Variants in MRTFB observed in about 807,000 individuals in gnomAD.
MRTFB encodes the protein myocardin related transcription factor B, also known as myocardin-related transcription factor B.
In MRTFB, 29 loss-of-function variants were observed where a neutral mutation model predicts 104.2. The observed-to-expected ratio is 0.28, with a 90% confidence interval of 0.21 to 0.38. The LOEUF is 0.38. MRTFB is among the 10% of genes least tolerant of loss of function. The pLI, the probability that MRTFB is intolerant of heterozygous loss-of-function variation, is 1.00. For synonymous variants in MRTFB, 535 were observed against 519.5 expected (o/e 1.03, Z -0.41); for missense variants, 1,270 against 1,341.6 (o/e 0.95, Z 0.83).
intron 3 of MRTFB, among the ~76,000 whole-genome samples, chr16:14,182,219 C>T (rs531126918): frequency 6.6e-6 from 1 of 152,278 alleles, no homozygotes; most frequent in Admixed American, 6.5e-5. Context: ...TTGTGTGGAG[C>T]TGAGCTAGGC....
At chr16:14,075,658 G>A (rs2033995553) in intron 1 of MRTFB, among the ~76,000 whole-genome samples, 1 of 152,216 alleles carries the variant, frequency 6.6e-6, no homozygotes, top group Non-Finnish European at 1.5e-5. Context: ...TTAGAGTAGA[G>A]CTCCTTCTCT....
chr16:14,265,541 A>G lies in MRTFB; in HGVS notation c.*4097A>G, dbSNP rs1234811133. The G allele has an allele frequency of 6.6e-6, 1 of 152,162 alleles. No homozygotes were observed. The highest frequency in any genetic ancestry group is 1.5e-5 in the Non-Finnish European group (1 of 68,024). 9.4% of individuals were successfully genotyped at this position (152,162 alleles called of 1,614,324 possible). ...TTTTTCCTGGTTCAAACCTTCAATA[A>G]CTTGCTCATTCAGCAGTCTCTCTGA... On this transcript the variant is annotated 3_prime_UTR_variant, in exon 17 of 17. Coordinates refer to ENST00000571589, the MANE Select transcript of MRTFB (RefSeq NM_001308142.2).
chr16:14,078,725 C>T (rs1317013317), intron 1 of MRTFB, among the ~76,000 whole-genome samples: 1 of 151,934 alleles, frequency 6.6e-6, no homozygotes, highest in Non-Finnish European at 1.5e-5. Context: ...CCACTGTGCC[C>T]AGCCAATTAA....
chr16:14,248,749 C>T lies in MRTFB; in HGVS notation c.2248-177C>T. The T allele has an allele frequency of 8.4e-6, 5 of 594,098 alleles. 1 individual carries two copies. Among genetic ancestry groups the T allele is most frequent in the South Asian group, 6.8e-5 (3 of 43,818 alleles). The allele number at this position is 594,098 out of a possible 1,614,324, so 36.8% of individuals were successfully genotyped here. A position where few individuals can be genotyped will look rare whatever the true frequency, so the allele number is the denominator to read the frequency against. On this transcript the variant is annotated intron_variant, in intron 12 of 16. Transcript: ENST00000571589. ...GCAGTGACTGGTCTGATGTTTCCCT[C>T]TCTGGTTTAGAATCATTAAAGTTCA... is the stretch of plus-strand genomic sequence containing the variant.
At chr16:14,048,652 G>A in the MRTFB span, among the ~76,000 whole-genome samples, 1 of 152,170 alleles carries the variant, frequency 6.6e-6, no homozygotes, top group Admixed American at 6.5e-5. Context: ...CTTTTAATCA[G>A]GGGAATCACA....
At chr16:14,150,878 G>T (rs2038580164) in intron 3 of MRTFB, 1 of 152,156 alleles carries the variant, frequency 6.6e-6, no homozygotes, top group Non-Finnish European at 1.5e-5. Context: ...CTTCTTGGGA[G>T]CACCTCCAGA....
chr16:14,219,930 G>A (rs2041609186), intron 8 of MRTFB, among the ~76,000 whole-genome samples: 2 of 152,182 alleles, frequency 1.3e-5, no homozygotes, highest in Admixed American at 1.3e-4. Flanking sequence ...AACAGAAAAG[G>A]TGCTTAGTAA....
rs1284984773 is a variant in MRTFB at position 14,071,326 on chromosome 16, C to CGCGGCG, written c.-160_-155dup. The CGCGGCG allele has an allele frequency of 2.4e-5, 4 of 166,336 alleles. No individual in the cohort carries two copies. Among genetic ancestry groups the CGCGGCG allele is most frequent in the Non-Finnish European group, 3.7e-5 (3 of 80,080 alleles). 10.3% of individuals were successfully genotyped at this position (166,336 alleles called of 1,614,324 possible). On this transcript the variant is annotated 5_prime_UTR_variant, in exon 1 of 17. Coordinates refer to ENST00000571589, the MANE Select transcript of MRTFB (RefSeq NM_001308142.2). Reference sequence around the variant, plus strand: ...AGGGGAGCGAAGTCTCGCGAGATCGCGCGGCGGCGGCGGGAGCGGCGGCGG... The same window carrying CGCGGCG: ...AGGGGAGCGAAGTCTCGCGAGATCGCGCGGCGGCGGCGGCGGCGGGAGCGGCGGCGG...
At chr16:14,079,089 G>A (rs1044372159) in intron 1 of MRTFB, among the ~76,000 whole-genome samples, 1 of 152,110 alleles carries the variant, frequency 6.6e-6, no homozygotes, top group African/African-American at 2.4e-5. Flanking sequence ...GAATACAGTC[G>A]TGTATAGGTT....
intron 3 of MRTFB, among the ~76,000 whole-genome samples, chr16:14,179,894 G>A (rs1157114429): frequency 7.2e-5 from 11 of 152,094 alleles, no homozygotes; most frequent in Admixed American, 1.3e-4. Flanking sequence ...AAACTTTAAC[G>A]GCAGCACGAC....
chr16:14,186,587 C>G (rs559181244), intron 3 of MRTFB: 4 of 559,444 alleles, frequency 7.1e-6, no homozygotes, highest in African/African-American at 2.0e-5. Context: ...CTGAAGTCCC[C>G]AGCGCGGGGG....
chr16:14,196,477 T>A (rs1189971333), intron 3 of MRTFB, among the ~76,000 whole-genome samples: 1 of 152,262 alleles, frequency 6.6e-6, no homozygotes, highest in Non-Finnish European at 1.5e-5. Flanking sequence ...CTTCCCCTCC[T>A]TTTCCAATTC....
chr16:14,019,679 A>T, the MRTFB span, among the ~76,000 whole-genome samples: 1 of 152,232 alleles, frequency 6.6e-6, no homozygotes, highest in Non-Finnish European at 1.5e-5. Flanking sequence ...TGGCCCAGTG[A>T]GTAGTAAGCA....
At chr16:14,023,222 G>A in the MRTFB span, among the ~76,000 whole-genome samples, 4 of 151,910 alleles carry the variant, frequency 2.6e-5, no homozygotes, top group Non-Finnish European at 5.9e-5. Context: ...GAGGTTGCTT[G>A]AGCCCAGGAG....
intron 8 of MRTFB, among the ~76,000 whole-genome samples, chr16:14,231,437 C>A (rs573058666): frequency 6.7e-6 from 1 of 150,038 alleles, no homozygotes; most frequent in Non-Finnish European, 1.5e-5. Flanking sequence ...GTGTTATATT[C>A]GTAAATTGTG....
the MRTFB span, among the ~76,000 whole-genome samples, chr16:14,059,480 G>C: frequency 6.6e-6 from 1 of 152,068 alleles, no homozygotes; most frequent in Non-Finnish European, 1.5e-5. Context: ...TAAGTGTTAG[G>C]ATGCTAGTCA....
intron 3 of MRTFB, among the ~76,000 whole-genome samples, chr16:14,164,692 C>T (rs1484550090): frequency 6.6e-6 from 1 of 152,158 alleles, no homozygotes; most frequent in Non-Finnish European, 1.5e-5. Context: ...ATCCTCCCAG[C>T]AGTTTTGCAA....
At chr16:14,063,684 A>T in the MRTFB span, among the ~76,000 whole-genome samples, 1 of 152,178 alleles carries the variant, frequency 6.6e-6, no homozygotes, top group Non-Finnish European at 1.5e-5. Context: ...GGTCAATCTG[A>T]GCTCAGTCCT....
intron 1 of MRTFB, among the ~76,000 whole-genome samples, chr16:14,076,944 A>C (rs912747244): frequency 4.6e-5 from 7 of 152,250 alleles, no homozygotes; most frequent in Non-Finnish European, 1.0e-4. Context: ...TCTGTGAGCT[A>C]TCTGTTCATA....
Sources: gnomAD v4.1 joint callset for allele counts (sites outside exome capture counted in the v4.1 genomes callset) on GRCh38, gnomAD v4.1.1 for gene constraint, MANE v1.5 for transcripts, NCBI Gene and HGNC (gene_info 2026-07-23, HGNC 2026-07-21) for gene names.